Variants in GALNT17 observed in about 807,000 individuals in gnomAD.
GALNT17 encodes the protein UDP-GalNAc:polypeptide N-acetylgalactosaminyltransferase-like 3.
Under a neutral mutation model 63.7 loss-of-function variants are expected in GALNT17, and 29 were observed. The observed-to-expected ratio is 0.46, with a 90% CI of 0.34 to 0.62. The LOEUF is 0.62. Among genes scored for constraint, GALNT17 ranks in the 20% least tolerant of loss-of-function variants. The pLI is 0.01. For missense variants in GALNT17, 603 were observed against 799.6 expected, an observed-to-expected ratio of 0.75 and a Z score of 2.97; for synonymous variants, 305 against 318.3, an observed-to-expected ratio of 0.96 and a Z score of 0.45.
intron 1 of GALNT17, among the ~76,000 whole-genome samples, chr7:71,228,242 A>G (rs1789717735): frequency 6.6e-6 from 1 of 152,142 alleles, no homozygotes; most frequent in Non-Finnish European, 1.5e-5. Context: ...GGACTCTGCT[A>G]AAAGCTCCTA....
intron 5 of GALNT17, among the ~76,000 whole-genome samples, chr7:71,459,901 T>G (rs1169737979): frequency 8.5e-5 from 13 of 152,200 alleles, no homozygotes; most frequent in Non-Finnish European, 1.9e-4. Context: ...AACATGAACA[T>G]TTCCTTTCTA....
At chr7:71,273,567 A>G (rs1359405341) in intron 1 of GALNT17, among the ~76,000 whole-genome samples, 1 of 152,226 alleles carries the variant, frequency 6.6e-6, no homozygotes, top group East Asian at 1.9e-4. Flanking sequence ...GAATCAAGGT[A>G]GACAATGAAG....
chr7:71,381,024 G>C (rs1417857045), intron 2 of GALNT17, among the ~76,000 whole-genome samples: 4 of 151,484 alleles, frequency 2.6e-5, no homozygotes, highest in Non-Finnish European at 5.9e-5. Flanking sequence ...GCAGAGGCGC[G>C]ATATTGACTC....
At chr7:71,349,893 A>G (rs1337107963) in intron 2 of GALNT17, among the ~76,000 whole-genome samples, 6 of 152,250 alleles carry the variant, frequency 3.9e-5, no homozygotes, top group Non-Finnish European at 8.8e-5. Context: ...AAATAGACTT[A>G]TCTTCATTGT....
chr7:71,470,586 G>A (rs374232828), intron 5 of GALNT17, among the ~76,000 whole-genome samples: 6 of 152,022 alleles, frequency 3.9e-5, no homozygotes, highest in South Asian at 2.1e-4. Flanking sequence ...GGAGGGAGAC[G>A]ATGTGATATA....
At chr7:71,628,260 G>A (rs1368278931) in intron 6 of GALNT17, among the ~76,000 whole-genome samples, 2 of 152,102 alleles carry the variant, frequency 1.3e-5, no homozygotes, top group South Asian at 2.1e-4. Flanking sequence ...TAAGCTCCAC[G>A]TTTTTATTAT....
At chr7:71,277,015 T>C (rs542290524) in intron 1 of GALNT17, among the ~76,000 whole-genome samples, 1 of 151,766 alleles carries the variant, frequency 6.6e-6, no homozygotes, top group Non-Finnish European at 1.5e-5. Context: ...AATAAATAAA[T>C]AAAGAAATAA....
intron 8 of GALNT17, among the ~76,000 whole-genome samples, chr7:71,676,390 T>C (rs1247677794): frequency 6.6e-6 from 1 of 151,808 alleles, no homozygotes; most frequent in African/African-American, 2.4e-5. Context: ...GTTTTTTTTT[T>C]CTTTTTTTTT....
rs949528670 is a variant in GALNT17 at position 71,553,160 on chromosome 7, T to TA, written c.963-18116dup. Among the ~76,000 whole-genome samples the TA allele has an allele frequency of 7.3e-5, 11 of 150,850 alleles. 1 individual carries two copies. The highest frequency in any genetic ancestry group is 4.0e-4 in the Admixed American group (6 of 15,094). Reference sequence around the variant, plus strand: ...GGCAACATAGCAAGACTTTCTCTCTTAAAAAAAAATGCAAAAATTATCTGA... The same window carrying TA: ...GGCAACATAGCAAGACTTTCTCTCTTAAAAAAAAAATGCAAAAATTATCTGA... On this transcript the variant is annotated intron_variant, in intron 5 of 10. Transcript: ENST00000333538.
At chr7:71,473,522 A>C (rs1787675166) in intron 5 of GALNT17, among the ~76,000 whole-genome samples, 1 of 152,186 alleles carries the variant, frequency 6.6e-6, no homozygotes, top group African/African-American at 2.4e-5. Context: ...TTGGTATCTT[A>C]CTGCCACAGT....
At chr7:71,557,170 G>A (rs906655919) in intron 5 of GALNT17, among the ~76,000 whole-genome samples, 1 of 151,790 alleles carries the variant, frequency 6.6e-6, no homozygotes, top group Non-Finnish European at 1.5e-5. Context: ...AGGATTACAG[G>A]CGTGAACCAC....
chr7:71,510,895 G>T (rs571115206), intron 5 of GALNT17, among the ~76,000 whole-genome samples: 11 of 152,206 alleles, frequency 7.2e-5, no homozygotes, highest in African/African-American at 2.6e-4. Flanking sequence ...AGCCGAGGCT[G>T]GATGCAGTGC....
chr7:71,511,818 A>G (rs577276875), intron 5 of GALNT17, among the ~76,000 whole-genome samples: 28 of 152,116 alleles, frequency 1.8e-4, no homozygotes, highest in Middle Eastern at 3.4e-3. Flanking sequence ...TGTTGCTTGG[A>G]TTGCCCAGGG....
intron 5 of GALNT17, among the ~76,000 whole-genome samples, chr7:71,433,539 G>A (rs547927568): frequency 6.6e-6 from 1 of 152,348 alleles, no homozygotes; most frequent in African/African-American, 2.4e-5. Context: ...CTCAGAAGCT[G>A]ATGGCTATCG....
chr7:71,408,541 C>T (rs1452743947), intron 3 of GALNT17, among the ~76,000 whole-genome samples: 1 of 152,106 alleles, frequency 6.6e-6, no homozygotes, highest in Non-Finnish European at 1.5e-5. Context: ...TGTGAGATTG[C>T]CCCACGCAGA....
chr7:71,372,213 C>T lies in GALNT17; in HGVS notation c.423-16022C>T, dbSNP rs184026722. 8.5e-5 allele frequency among the ~76,000 whole-genome samples: 13 copies of T among 152,190 alleles called. No individual in the cohort carries two copies. The East Asian group carries it at 1.7e-3, about 20-fold the overall frequency. ...TCGCTCTGTTGCCCAGGCCCAGGCC[C>T]GAGTGCAGTGGCACAATCTTGGCTC... On this transcript the variant is annotated intron_variant, in intron 2 of 10. Transcript: ENST00000333538.
At chr7:71,480,936 C>T (rs1787807252) in intron 5 of GALNT17, among the ~76,000 whole-genome samples, 1 of 152,186 alleles carries the variant, frequency 6.6e-6, no homozygotes, top group African/African-American at 2.4e-5. Flanking sequence ...TTCATGACAG[C>T]CCAGGCAACA....
intron 5 of GALNT17, among the ~76,000 whole-genome samples, chr7:71,503,077 A>T (rs188699886): frequency 2.0e-5 from 3 of 152,072 alleles, no homozygotes; most frequent in Admixed American, 6.6e-5. Context: ...CATTCTTCTT[A>T]CTTGTTGGGC....
At chr7:71,556,454 G>A (rs1413307690) in intron 5 of GALNT17, among the ~76,000 whole-genome samples, 4 of 152,124 alleles carry the variant, frequency 2.6e-5, no homozygotes, top group Admixed American at 2.6e-4. Context: ...TCTACAGTGG[G>A]GATGAAAGAG....
Sources: allele counts gnomAD v4.1 joint callset (sites outside exome capture counted in the v4.1 genomes callset), GRCh38; gene constraint gnomAD v4.1.1; transcripts MANE v1.5; gene names NCBI Gene and HGNC (gene_info 2026-07-23, HGNC 2026-07-21).